The following DOP1B variants were observed in gnomAD, a reference collection of about 807,000 sequenced individuals.
DOP1B encodes DOP1 leucine zipper like protein B.
Under a neutral mutation model 233.5 loss-of-function variants are expected in DOP1B, and 174 were observed. That is an observed-to-expected ratio of 0.75 (90% CI 0.66 to 0.85). DOP1B has a LOEUF of 0.85. Among genes scored for constraint, DOP1B ranks in the 40% least tolerant of loss-of-function variants. The pLI, the probability that DOP1B is intolerant of heterozygous loss-of-function variation, is 0.00. For synonymous variants in DOP1B, 1,190 were observed against 1,185.6 expected (o/e 1.00, Z -0.08); for missense variants, 2,652 against 2,846.6 (o/e 0.93, Z 1.56).
At chr21:36,203,646 G>A (rs191102400) in intron 4 of DOP1B, among the ~76,000 whole-genome samples, 1 of 151,944 alleles carries the variant, frequency 6.6e-6, no homozygotes, top group East Asian at 1.9e-4. Flanking sequence ...GGGTGCAGTG[G>A]GGGGGGTCAT....
At chr21:36,233,857 TTTG>T (rs1331069462) in intron 15 of DOP1B, among the ~76,000 whole-genome samples, 7 of 152,188 alleles carry the variant, frequency 4.6e-5, no homozygotes, top group East Asian at 3.9e-4. Flanking sequence ...ATTGACTTTT[TTTG>T]TTGTTGTTGT....
Position 36,156,928 on chromosome 21 carries a change from C to A in DOP1B, c.-42C>A, listed in dbSNP as rs1195145802. The A allele has an allele frequency of 6.6e-6, 1 of 152,360 alleles. No homozygotes were observed. The highest frequency in any genetic ancestry group is 1.5e-5 in the Non-Finnish European group (1 of 68,158). The allele number at this position is 152,360 out of a possible 1,614,324, so 9.4% of individuals were successfully genotyped here. On this transcript the variant is annotated 5_prime_UTR_variant, in exon 1 of 37. Coordinates refer to ENST00000691173, the MANE Select transcript of DOP1B (RefSeq NM_001320714.2). ...CGCCGCACGTGAGCGCGCCCGCCAA[C>A]AGGGCCACTGCCGCGGTAAGTCGTG...
At chr21:36,275,605 C>T (rs1398507851) in intron 27 of DOP1B, among the ~76,000 whole-genome samples, 24 of 139,654 alleles carry the variant, frequency 1.7e-4, no homozygotes, top group Admixed American at 4.5e-4. Flanking sequence ...GGCAACAAAG[C>T]GAGAACTTGT....
At chr21:36,276,907 C>A in intron 27 of DOP1B, 114 bp from the exon 28 acceptor site, 3 of 901,988 alleles carry the variant, frequency 3.3e-6, no homozygotes. Flanking sequence ...CATATGGACA[C>A]AATTGGTATG....
intron 35 of DOP1B, 142 bp from the exon 36 acceptor site, chr21:36,291,962 G>T: frequency 2.0e-6 from 2 of 991,202 alleles, no homozygotes; most frequent in South Asian, 2.1e-5. Context: ...TAATAGACGT[G>T]CAACTCTATG....
intron 12 of DOP1B, among the ~76,000 whole-genome samples, chr21:36,226,962 T>G (rs1297914908): frequency 6.6e-6 from 1 of 152,032 alleles, no homozygotes; most frequent in Non-Finnish European, 1.5e-5. Context: ...TCCCAGCACT[T>G]TGGGAGGCCG....
In DOP1B at chr21:36,211,545, G is replaced by T; in HGVS notation, c.682-8G>T. ...CTGAAAATGCTAGTGCCGTTTGATCGTTTACAGGTGAAGTCTTTGCGTGCC... is the reference window on the plus strand; with the variant it reads ...CTGAAAATGCTAGTGCCGTTTGATCTTTTACAGGTGAAGTCTTTGCGTGCC... On this transcript the variant is annotated splice_polypyrimidine_tract_variant and splice_region_variant and intron_variant, in intron 5 of 36. Transcript: ENST00000691173. The T allele has an allele frequency of 6.2e-7, 1 of 1,613,340 alleles. No homozygotes were observed. The highest frequency in any genetic ancestry group is 8.5e-7 in the Non-Finnish European group (1 of 1,179,258).
chr21:36,159,698 G>A (rs1176848030), intron 1 of DOP1B, among the ~76,000 whole-genome samples: 1 of 152,194 alleles, frequency 6.6e-6, no homozygotes, highest in Non-Finnish European at 1.5e-5. Flanking sequence ...CTTGCCATGA[G>A]CAGTGGCGTC....
chr21:36,245,368 T>C lies in DOP1B; in HGVS notation c.3388T>C (p.Ser1130Pro). 1 of 1,614,058 alleles carries C rather than the reference T, an allele frequency of 6.2e-7. No homozygotes were observed. Among genetic ancestry groups the C allele is most frequent in the Admixed American group, 1.7e-5 (1 of 60,012 alleles). ...CAGCGAGAACACGTCCTCCTTCTCCTCCCCTTCCCACGACCTGCAGGAGCT... is the reference window on the plus strand; with the variant it reads ...CAGCGAGAACACGTCCTCCTTCTCCCCCCCTTCCCACGACCTGCAGGAGCT... ...TDSENTSSFSSPSHDLQELSN... is the reference protein window; with the variant it reads ...TDSENTSSFSPPSHDLQELSN... Residue 1130 changes from serine (S) to proline (P), a missense_variant, in exon 19 of 37, where the codon TCC becomes CCC. Transcript: ENST00000691173. This position sits in a 1 kb window ranked among gnomAD's most constrained non-coding sequence, Gnocchi z 5.5.
At chr21:36,238,792 A>C in intron 17 of DOP1B, 91 bp downstream of exon 17, 3 of 1,274,440 alleles carry the variant, frequency 2.4e-6, no homozygotes, top group South Asian at 1.2e-5. Flanking sequence ...GAGGGAGAGG[A>C]GCGTGCAGTT....
At chr21:36,277,179 C>A in intron 28 of DOP1B, 79 bp downstream of exon 28, 1 of 1,486,206 alleles carries the variant, frequency 6.7e-7, no homozygotes, top group Non-Finnish European at 9.3e-7. Flanking sequence ...TGTTCATTCC[C>A]AGGTGCCAGT....
At chr21:36,201,421 C>T (rs557894511) in intron 4 of DOP1B, among the ~76,000 whole-genome samples, 23 of 137,340 alleles carry the variant, frequency 1.7e-4, no homozygotes, top group African/African-American at 5.9e-4. Context: ...GATCTCGGCT[C>T]ACTACAACCT....
intron 9 of DOP1B, among the ~76,000 whole-genome samples, chr21:36,217,661 T>C (rs1490851025): frequency 6.6e-6 from 1 of 152,236 alleles, no homozygotes; most frequent in Non-Finnish European, 1.5e-5. Context: ...GCTCTGCCCA[T>C]GATGTGCTGC....
Position 36,208,900 on chromosome 21 carries a change from T to C in DOP1B, c.677T>C (p.Leu226Pro). 6.5e-7 allele frequency: 1 copy of C among 1,527,368 alleles called. No individual in the cohort carries two copies. The highest frequency in any genetic ancestry group is 8.8e-7 in the Non-Finnish European group (1 of 1,137,198). 94.6% of individuals were successfully genotyped at this position (1,527,368 alleles called of 1,614,324 possible). Residue 226 changes from leucine (L) to proline (P), a missense_variant, in exon 5 of 37, where the codon CTC (leucine) becomes CCC (proline). Coordinates refer to ENST00000691173, the MANE Select transcript of DOP1B (RefSeq NM_001320714.2). ...QKYMLGTNHQ[L>P]TVKSLRASLL... ...TACATGCTGGGGACCAATCACCAAC[T>C]CACGGTGGGTGCTGTGTTCCTCACA...
In DOP1B at chr21:36,277,264, G is replaced by A. The variant is rs73381545; in HGVS notation, c.5712+164G>A. 0.056 allele frequency among the ~76,000 whole-genome samples: 8,593 copies of A among 152,168 alleles called. 804 individuals are homozygous for A. Among genetic ancestry groups the A allele is most frequent in the African/African-American group, 0.2 (8,123 of 41,504 alleles). Reference sequence around the variant, plus strand: ...GCCTCAAGCTGCACCATGGAGTTTTGGGTTAGGTTTTGCTTTAAGGACTGC... The same window carrying A: ...GCCTCAAGCTGCACCATGGAGTTTTAGGTTAGGTTTTGCTTTAAGGACTGC... On this transcript the variant is annotated intron_variant, in intron 28 of 36. Transcript: ENST00000691173.
In DOP1B at chr21:36,257,642, A is replaced by AT. The variant is rs199909171; in HGVS notation, c.5260-3035_5260-3034insT. On this transcript the variant is annotated intron_variant, in intron 23 of 36. Coordinates refer to ENST00000691173, the MANE Select transcript of DOP1B (RefSeq NM_001320714.2). Reference sequence around the variant, plus strand: ...GATAGATAGATAGATAGATAGATAGAAGTAGTTAGGTAAATAGATAGATGT... The same window carrying AT: ...GATAGATAGATAGATAGATAGATAGATAGTAGTTAGGTAAATAGATAGATGT... Among the ~76,000 whole-genome samples the AT allele has an allele frequency of 5.3e-5, 8 of 151,136 alleles. 1 individual carries two copies. The South Asian group carries it at 8.3e-4, about 16-fold the overall frequency.
intron 2 of DOP1B, among the ~76,000 whole-genome samples, chr21:36,165,937 G>A (rs1244684700): frequency 2.7e-5 from 4 of 150,572 alleles, no homozygotes; most frequent in African/African-American, 9.8e-5. Flanking sequence ...GGCTGGTCTC[G>A]AACTCCTGAC....
At chr21:36,223,381 T>A in intron 11 of DOP1B, 31 bp downstream of exon 11, 1 of 1,596,028 alleles carries the variant, frequency 6.3e-7, no homozygotes, top group Non-Finnish European at 8.5e-7. Flanking sequence ...TGCAGAATAT[T>A]TAGGAAGGAT....
At chr21:36,231,168 G>A (rs1186314011) in intron 14 of DOP1B, 34 bp downstream of exon 14, 6 of 1,547,432 alleles carry the variant, frequency 3.9e-6, no homozygotes, top group Non-Finnish European at 3.5e-6. Flanking sequence ...CCCTCTTTGG[G>A]AATCATACGA....
Sources: gnomAD v4.1 joint callset for allele counts (sites outside exome capture counted in the v4.1 genomes callset) on GRCh38, gnomAD v4.1.1 for gene constraint, Gnocchi (gnomAD v3.1) non-coding constraint, MANE v1.5 for transcripts, NCBI Gene and HGNC (gene_info 2026-07-23, HGNC 2026-07-21) for gene names.